The following AP3B2 variants were observed in gnomAD, a reference collection of about 807,000 sequenced individuals.
AP3B2 encodes AP-3 complex subunit beta-2.
A neutral mutation model predicts 126.9 loss-of-function variants in AP3B2; 50 were observed. The observed-to-expected ratio is 0.39, with a 90% CI of 0.31 to 0.50. The LOEUF (loss-of-function observed/expected upper bound fraction) is 0.50. AP3B2 is among the 20% of genes least tolerant of loss of function. AP3B2 has a pLI of 0.79. For missense variants in AP3B2, 1,177 were observed against 1,426.4 expected, an observed-to-expected ratio of 0.83 and a Z score of 2.82; for synonymous variants, 541 against 565.0, an observed-to-expected ratio of 0.96 and a Z score of 0.60.
intron 1 of AP3B2, among the ~76,000 whole-genome samples, chr15:82,706,039 G>A (rs562928756): frequency 7.2e-5 from 11 of 152,278 alleles, no homozygotes; most frequent in Non-Finnish European, 1.0e-4. Flanking sequence ...ACAAGAGCTG[G>A]GACCACGCCC....
Position 82,664,888 on chromosome 15 carries a change from G to C in AP3B2, c.2084C>G (p.Pro695Arg). ...CTCCCCCTCAGAGTCCGAGTAGAAGGGTTTTTCCTTCTCCTTTCTCTTCTC... is the reference window on the plus strand; with the variant it reads ...CTCCCCCTCAGAGTCCGAGTAGAAGCGTTTTTCCTTCTCCTTTCTCTTCTC... ...NREKRKEKEK[P>R]FYSDSEGESG... Residue 695 changes from proline to arginine, a missense_variant, in exon 18 of 27, where the codon CCC (proline) becomes CGC (arginine). Physicochemically the swap from Pro to Arg is moderately radical, Grantham distance 103. This residue lies in a region of AP3B2 where 587 missense variants were observed against 571.3 expected (regional missense o/e 1.03). Transcript: ENST00000535359. The surrounding 1 kb of genome is among the most constrained non-coding windows in gnomAD (Gnocchi z 4.5). The C allele has an allele frequency of 1.2e-6, 2 of 1,607,766 alleles. No individual in the cohort carries two copies. The highest frequency in any genetic ancestry group is 1.7e-6 in the Non-Finnish European group (2 of 1,177,202).
chr15:82,679,204 A>G (rs1567264646), intron 10 of AP3B2, among the ~76,000 whole-genome samples: 1 of 152,024 alleles, frequency 6.6e-6, no homozygotes, highest in Non-Finnish European at 1.5e-5. Context: ...GCTCACTGCA[A>G]CCTCTGTCTC....
intron 14 of AP3B2, among the ~76,000 whole-genome samples, chr15:82,667,364 G>T (rs1464525232): frequency 6.6e-6 from 1 of 152,150 alleles, no homozygotes; most frequent in Non-Finnish European, 1.5e-5. Context: ...ACAACAAAAA[G>T]ACAGGGCAGA....
chr15:82,699,375 A>C, intron 1 of AP3B2: 188 of 292,340 alleles, frequency 6.4e-4, no homozygotes, highest in Middle Eastern at 9.4e-4. Context: ...TCAAGGTGGG[A>C]CCTCAACCCT....
chr15:82,688,966 T>G (rs2048478190), intron 3 of AP3B2, 135 bp from the exon 4 acceptor site: 1 of 1,002,192 alleles, frequency 1.0e-6, no homozygotes, highest in East Asian at 2.6e-5. Flanking sequence ...AGAGCACCCC[T>G]GAGTGTATCC....
chr15:82,679,290 A>G (rs1463650955), intron 10 of AP3B2, among the ~76,000 whole-genome samples: 1 of 151,980 alleles, frequency 6.6e-6, no homozygotes, highest in Non-Finnish European at 1.5e-5. Context: ...CGCCTGGCTA[A>G]TTTTTGTATT....
At chr15:82,701,660 C>T (rs768836881) in intron 1 of AP3B2, among the ~76,000 whole-genome samples, 3 of 152,134 alleles carry the variant, frequency 2.0e-5, no homozygotes, top group Admixed American at 6.5e-5. Context: ...AAAAAGTATA[C>T]GAATAGATGG....
At position 82,665,071 on chromosome 15, in the gene AP3B2, CAG is replaced by C; in HGVS notation, c.2029-130_2029-129del. 1 of 1,034,120 alleles carries C rather than the reference CAG, an allele frequency of 9.7e-7. No homozygotes were observed. The highest frequency in any genetic ancestry group is 1.4e-6 in the Non-Finnish European group (1 of 694,860). 64.1% of individuals were successfully genotyped at this position (1,034,120 alleles called of 1,614,324 possible). On this transcript the variant is annotated intron_variant, in intron 17 of 26. Coordinates refer to ENST00000535359, the MANE Select transcript of AP3B2 (RefSeq NM_001278512.2). The surrounding 1 kb of genome is among the most constrained non-coding windows in gnomAD (Gnocchi z 4.4). ...CTGGTCTGTCCCACAAAGGGAATAA[CAG>C]AGGAGGAAGAAAGGGGCACTGTCCA...
chr15:82,691,902 G>T, intron 1 of AP3B2: 2 of 1,268,752 alleles, frequency 1.6e-6, no homozygotes, highest in Non-Finnish European at 2.3e-6. Context: ...TCCAATTTAT[G>T]CAGGGCATAT....
intron 14 of AP3B2, among the ~76,000 whole-genome samples, chr15:82,675,965 G>T (rs980715835): frequency 6.6e-5 from 10 of 152,128 alleles, no homozygotes; most frequent in African/African-American, 2.2e-4. Context: ...CTCATCCTTG[G>T]CTGTGTATCT....
At chr15:82,675,274 T>G (rs1010561102) in intron 14 of AP3B2, among the ~76,000 whole-genome samples, 2 of 152,204 alleles carry the variant, frequency 1.3e-5, no homozygotes, top group Admixed American at 1.3e-4. Context: ...GGAAGTTACT[T>G]TTGATAAGGC....
rs1185979869 is a variant in AP3B2 at position 82,662,782 on chromosome 15, G to C, written c.2745C>G (p.Ser915=). The change falls in exon 23 of 27, where the codon TCC becomes TCG. Residue 915 remains serine (S), a synonymous_variant. Transcript: ENST00000535359. The part of the protein sequence containing the change: ...PHMVSVHIHF[S]NSSDTPIKGL... ...CCTTGATGGGGGTATCAGAGCTGTT[G>C]GAGAAGTGGATGTGCACGGACACCA... The C allele has an allele frequency of 6.2e-7, 1 of 1,613,846 alleles. No homozygotes were observed. The highest frequency in any genetic ancestry group is 1.6e-4 in the Middle Eastern group (1 of 6,062).
Position 82,678,206 on chromosome 15 carries a change from G to C in AP3B2, c.1183-39C>G, listed in dbSNP as rs371136516. The C allele has an allele frequency of 1.1e-5, 18 of 1,594,332 alleles. No homozygotes were observed. In the African/African-American group the frequency reaches 2.3e-4, roughly 20 times the overall value. On this transcript the variant is annotated intron_variant, in intron 10 of 26. Transcript: ENST00000535359. ...TGGAGAGGCAGAAAATGGGTGGGTTGGCCAGTGGACTTTCTGTGCTTTCAT... is the reference window on the plus strand; with the variant it reads ...TGGAGAGGCAGAAAATGGGTGGGTTCGCCAGTGGACTTTCTGTGCTTTCAT...
intron 1 of AP3B2, among the ~76,000 whole-genome samples, chr15:82,693,877 T>C (rs1416355724): frequency 6.6e-6 from 1 of 151,870 alleles, no homozygotes; most frequent in Non-Finnish European, 1.5e-5. Flanking sequence ...ATTTTTGTAT[T>C]TTTAGTAGAG....
chr15:82,677,817 C>A lies in AP3B2; in HGVS notation c.1246-14G>T. 6.3e-7 allele frequency: 1 copy of A among 1,578,164 alleles called. No individual in the cohort carries two copies. The highest frequency in any genetic ancestry group is 8.6e-7 in the Non-Finnish European group (1 of 1,160,046). On this transcript the variant is annotated splice_polypyrimidine_tract_variant and intron_variant, in intron 11 of 26. Transcript: ENST00000535359. ...GCGAATATAGGTCTGTGGGATATGACAAAGAAATCCCTCAGTGACTCTGCA... is the reference window on the plus strand; with the variant it reads ...GCGAATATAGGTCTGTGGGATATGAAAAAGAAATCCCTCAGTGACTCTGCA...
chr15:82,661,776 G>T, intron 25 of AP3B2, 49 bp downstream of exon 25: 2 of 1,469,296 alleles, frequency 1.4e-6, no homozygotes, highest in South Asian at 1.2e-5. Context: ...GGACATTCTG[G>T]AGTCAGCTTC....
At chr15:82,698,575 G>C (rs558311689) in intron 1 of AP3B2, among the ~76,000 whole-genome samples, 1 of 152,140 alleles carries the variant, frequency 6.6e-6, no homozygotes, top group African/African-American at 2.4e-5. Flanking sequence ...CACCAAAATG[G>C]TCAGTGGACT....
chr15:82,700,640 A>G (rs1165731791), intron 1 of AP3B2, among the ~76,000 whole-genome samples: 2 of 151,056 alleles, frequency 1.3e-5, no homozygotes, highest in Non-Finnish European at 3.0e-5. Context: ...CTTAGGTGAT[A>G]TGCCTGCCTC....
rs2048044266 is a variant in AP3B2 at position 82,665,596 on chromosome 15, C to G, written c.1853-21G>C. Reference sequence around the variant, plus strand: ...CCGGTCTAGGGATAGGTTTAGAGGTCAGGCAGGTAGCAGCAGTGAGGGAAA... The same window carrying G: ...CCGGTCTAGGGATAGGTTTAGAGGTGAGGCAGGTAGCAGCAGTGAGGGAAA... On this transcript the variant is annotated intron_variant, in intron 15 of 26. Coordinates refer to ENST00000535359, the MANE Select transcript of AP3B2 (RefSeq NM_001278512.2). This position sits in a 1 kb window ranked among gnomAD's most constrained non-coding sequence, Gnocchi z 4.4. The G allele has an allele frequency of 1.9e-6, 3 of 1,582,350 alleles. No individual in the cohort carries two copies. Among genetic ancestry groups the G allele is most frequent in the Non-Finnish European group, 2.6e-6 (3 of 1,152,716 alleles).
Sources: gnomAD v4.1 joint callset for allele counts (sites outside exome capture counted in the v4.1 genomes callset) on GRCh38, gnomAD v4.1.1 for gene constraint, gnomAD v4.1.1 regional missense constraint, Gnocchi (gnomAD v3.1) non-coding constraint, MANE v1.5 for transcripts, NCBI Gene and HGNC (gene_info 2026-07-23, HGNC 2026-07-21) for gene names.